Variants in MYO18B observed in about 807,000 individuals in gnomAD.
The protein encoded by MYO18B is myosin XVIIIB.
Under a neutral mutation model 273.0 loss-of-function variants are expected in MYO18B, and 204 were observed. That is an observed-to-expected ratio of 0.75 (90% CI 0.67 to 0.84). The LOEUF is 0.84. MYO18B is among the 40% of genes least tolerant of loss of function. The probability of loss-of-function intolerance (pLI) is 0.00; values close to 1 mark genes in which losing one functional copy is unlikely to be tolerated. For synonymous variants in MYO18B, 1,330 were observed against 1,305.7 expected (o/e 1.02, Z -0.40); for missense variants, 3,212 against 3,287.6 (o/e 0.98, Z 0.56).
chr22:25,920,634 C>T (rs1175442072), intron 33 of MYO18B, among the ~76,000 whole-genome samples: 1 of 152,144 alleles, frequency 6.6e-6, no homozygotes, highest in Non-Finnish European at 1.5e-5. Flanking sequence ...GAAAAGAGGA[C>T]CAAAGGACAG....
chr22:25,755,603 G>A (rs1242263861), intron 1 of MYO18B, among the ~76,000 whole-genome samples: 1 of 152,216 alleles, frequency 6.6e-6, no homozygotes, highest in African/African-American at 2.4e-5. Context: ...GTTGGAGGTG[G>A]GACCTAGTGG....
chr22:25,965,707 T>A (rs1016705175), intron 39 of MYO18B, among the ~76,000 whole-genome samples: 4 of 152,184 alleles, frequency 2.6e-5, no homozygotes, highest in Non-Finnish European at 5.9e-5. Context: ...TAGAAAGCAA[T>A]GTGTTTTGAG....
chr22:25,877,278 TACTC>T (rs933066639), intron 24 of MYO18B: 6 of 152,152 alleles, frequency 3.9e-5, no homozygotes, highest in African/African-American at 1.2e-4. Context: ...CTGGCTGAAT[TACTC>T]ACTCCATTCC....
At position 25,842,412 on chromosome 22, in the gene MYO18B, C is replaced by T. The variant is rs1282947476; in HGVS notation, c.3209-1323C>T. On this transcript the variant is annotated intron_variant, in intron 17 of 43. Transcript: ENST00000335473. ...TGGGGGCCAGGTGCGGTGGCTCACG[C>T]CTGTAATCCCAGCACTTTGAGAGGC... 2.0e-5 allele frequency among the ~76,000 whole-genome samples: 3 copies of T among 152,134 alleles called. No homozygotes were observed. The East Asian group carries it at 5.8e-4, about 29-fold the overall frequency.
the MYO18B span, among the ~76,000 whole-genome samples, chr22:26,040,119 T>C: frequency 6.6e-6 from 1 of 152,342 alleles, no homozygotes; most frequent in Non-Finnish European, 1.5e-5. Flanking sequence ...TAATATTTGG[T>C]TTTCCATTTC....
intron 11 of MYO18B, among the ~76,000 whole-genome samples, chr22:25,790,472 G>A (rs1306060092): frequency 6.6e-6 from 1 of 152,144 alleles, no homozygotes; most frequent in Non-Finnish European, 1.5e-5. Context: ...CTTGCTAACA[G>A]TCTCCCATCT....
chr22:25,910,982 G>T lies in MYO18B; in HGVS notation c.5296G>T (p.Glu1766Ter). 1.2e-6 allele frequency: 2 copies of T among 1,603,616 alleles called. No individual in the cohort carries two copies. Among genetic ancestry groups the T allele is most frequent in the Non-Finnish European group, 1.7e-6 (2 of 1,175,198 alleles). ...GGAAATGCAGCTGGAGCAAGAGTAT[G>T]AAGAGAAGCAGATGGTCCTCCATGA... ...QLEMQLEQEYEEKQMVLHEKQ... is the reference protein window; with the variant it reads ...QLEMQLEQEY The change falls in exon 33 of 44, where the codon GAA (glutamate) becomes TAA (stop). Residue 1766 changes from glutamate to a stop codon, truncating the protein, a stop_gained. Coordinates refer to ENST00000335473, the MANE Select transcript of MYO18B (RefSeq NM_032608.7). LOFTEE classifies it high-confidence loss of function.
intron 28 of MYO18B, chr22:25,897,274 C>T (rs8140616): frequency 0.11 from 16,803 of 152,236 alleles, 2,021 homozygotes; most frequent in African/African-American, 0.3. Flanking sequence ...CTATTCTCAA[C>T]GTGAGCAAAA....
chr22:25,891,618 C>T (rs538592001), intron 27 of MYO18B, among the ~76,000 whole-genome samples: 127 of 152,176 alleles, frequency 8.3e-4, no homozygotes, highest in African/African-American at 3.1e-3. Context: ...CAACAATATC[C>T]CAGGTAACAA....
chr22:25,967,998 G>T (rs186108850), intron 39 of MYO18B, among the ~76,000 whole-genome samples: 103 of 152,278 alleles, frequency 6.8e-4, no homozygotes, highest in African/African-American at 2.4e-3. Flanking sequence ...ACATTTACCA[G>T]CACACCACCG....
intron 39 of MYO18B, among the ~76,000 whole-genome samples, chr22:25,966,314 A>G (rs1380707057): frequency 6.6e-6 from 1 of 152,160 alleles, no homozygotes; most frequent in Non-Finnish European, 1.5e-5. Flanking sequence ...CATGTTTTCA[A>G]AAGTCCCCTT....
intron 11 of MYO18B, among the ~76,000 whole-genome samples, chr22:25,786,287 C>T (rs1385844740): frequency 6.6e-6 from 1 of 152,108 alleles, no homozygotes; most frequent in Non-Finnish European, 1.5e-5. Context: ...GCATGAAATG[C>T]TGCGGGCACC....
chr22:25,929,511 G>A (rs1032572856), intron 34 of MYO18B, among the ~76,000 whole-genome samples: 2 of 152,176 alleles, frequency 1.3e-5, no homozygotes, highest in Non-Finnish European at 2.9e-5. Context: ...GGAGAAAGTC[G>A]GAGATGATGT....
chr22:25,845,988 A>T, intron 18 of MYO18B, 112 bp from the exon 19 acceptor site: 1 of 947,052 alleles, frequency 1.1e-6, no homozygotes, highest in African/African-American at 1.7e-5. Context: ...AGGAGGCTTT[A>T]GGAAGCCGAG....
intron 36 of MYO18B, among the ~76,000 whole-genome samples, chr22:25,949,362 A>G (rs887214618): frequency 1.3e-5 from 2 of 152,176 alleles, no homozygotes; most frequent in Non-Finnish European, 2.9e-5. Flanking sequence ...GGAGGAGTGG[A>G]TGGATGGGCT....
At chr22:25,757,551 T>C (rs1295009062) in intron 1 of MYO18B, among the ~76,000 whole-genome samples, 1 of 151,382 alleles carries the variant, frequency 6.6e-6, no homozygotes, top group Non-Finnish European at 1.5e-5. Flanking sequence ...CGTGCCATTA[T>C]ACTCCAGCCT....
At chr22:26,061,639 T>C in the MYO18B span, among the ~76,000 whole-genome samples, 1 of 150,390 alleles carries the variant, frequency 6.6e-6, no homozygotes, top group African/African-American at 2.5e-5. Context: ...CCGAGAAACG[T>C]CATCTACCAC....
intron 39 of MYO18B, among the ~76,000 whole-genome samples, chr22:25,988,727 A>C (rs2093228799): frequency 6.6e-6 from 1 of 152,146 alleles, no homozygotes; most frequent in Non-Finnish European, 1.5e-5. Context: ...ATGAGAATTA[A>C]AGGATAGCTA....
chr22:25,745,694 A>G (rs543248774), intron 1 of MYO18B, among the ~76,000 whole-genome samples: 18 of 129,234 alleles, frequency 1.4e-4, no homozygotes, highest in African/African-American at 6.6e-4. Flanking sequence ...ATCCTCAAGA[A>G]TCGGCAAAGT....
Sources: gnomAD v4.1 joint callset for allele counts (sites outside exome capture counted in the v4.1 genomes callset) on GRCh38, gnomAD v4.1.1 for gene constraint, MANE v1.5 for transcripts, NCBI Gene and HGNC (gene_info 2026-07-23, HGNC 2026-07-21) for gene names.